TAFA4: variants seen among roughly 807,000 people sequenced by gnomAD.
TAFA4 encodes TAFA chemokine like family member 4.
Under a neutral mutation model 21.1 loss-of-function variants are expected in TAFA4, and 20 were observed. That is an observed-to-expected ratio of 0.95 (90% CI 0.67 to 1.38). The LOEUF is 1.38. TAFA4 is among the 40% of genes most tolerant of loss of function. TAFA4 has a pLI of 0.00. For synonymous variants in TAFA4, 71 were observed against 67.4 expected (o/e 1.05, Z -0.26); for missense variants, 211 against 180.9 (o/e 1.17, Z -0.95).
At position 68,731,886 on chromosome 3, in the gene TAFA4, GTTAGGCTATAAACAACA is replaced by G. The variant is rs1360394197; in HGVS notation, c.*1239_*1255del. 1 of 100,562 alleles carries G rather than the reference GTTAGGCTATAAACAACA, an allele frequency of 9.9e-6. No homozygotes were observed. The highest frequency in any genetic ancestry group is 2.3e-5 in the Non-Finnish European group (1 of 43,724). 6.2% of individuals were successfully genotyped at this position (100,562 alleles called of 1,614,324 possible). A position where few individuals can be genotyped will look rare whatever the true frequency, so the allele number is the denominator to read the frequency against. Reference sequence around the variant, plus strand: ...TCTGCAAGAATAAAATCAAATAACTGTTAGGCTATAAACAACATTAAAGTATTTATTTTCCCCCTATA... The same window carrying G: ...TCTGCAAGAATAAAATCAAATAACTGTTAAAGTATTTATTTTCCCCCTATA... On this transcript the variant is annotated 3_prime_UTR_variant, in exon 6 of 6. Transcript: ENST00000295569.
intron 3 of TAFA4, among the ~76,000 whole-genome samples, chr3:68,864,376 A>C (rs1389479369): frequency 6.6e-6 from 1 of 152,158 alleles, no homozygotes; most frequent in Non-Finnish European, 1.5e-5. Context: ...AGGTTCATGC[A>C]AATTAAATCT....
At chr3:68,858,425 A>G (rs1705120403) in intron 3 of TAFA4, among the ~76,000 whole-genome samples, 1 of 152,144 alleles carries the variant, frequency 6.6e-6, no homozygotes, top group African/African-American at 2.4e-5. Flanking sequence ...ATGTAAAGCA[A>G]AATGTTACTT....
At chr3:68,920,513 T>C (rs1452501769) in intron 1 of TAFA4, among the ~76,000 whole-genome samples, 4 of 152,184 alleles carry the variant, frequency 2.6e-5, no homozygotes, top group African/African-American at 7.2e-5. Context: ...TTGGATTTCT[T>C]TGAAACATAA....
intron 3 of TAFA4, among the ~76,000 whole-genome samples, chr3:68,754,376 T>C (rs1702619936): frequency 6.6e-6 from 1 of 152,226 alleles, no homozygotes. Context: ...CCTCAGTCTT[T>C]CTTTCTTGAC....
At chr3:68,765,306 T>A (rs1702830395) in intron 3 of TAFA4, among the ~76,000 whole-genome samples, 1 of 152,184 alleles carries the variant, frequency 6.6e-6, no homozygotes, top group South Asian at 2.1e-4. Context: ...GTGATAAGTT[T>A]CTACTTGTAC....
At chr3:68,774,728 A>G (rs1378216204) in intron 3 of TAFA4, among the ~76,000 whole-genome samples, 2 of 152,224 alleles carry the variant, frequency 1.3e-5, no homozygotes, top group East Asian at 3.8e-4. Flanking sequence ...CTGTAAATGC[A>G]CTATGAGAAA....
chr3:68,791,047 C>A (rs1703351693), intron 3 of TAFA4, among the ~76,000 whole-genome samples: 1 of 152,168 alleles, frequency 6.6e-6, no homozygotes, highest in Non-Finnish European at 1.5e-5. Flanking sequence ...TCATCTTTCT[C>A]CTATGGACTG....
In TAFA4 at chr3:68,731,966, A is replaced by T. The variant is rs1702156473; in HGVS notation, c.*1176T>A. 6.6e-6 allele frequency: 1 copy of T among 152,162 alleles called. No homozygotes were observed. The highest frequency in any genetic ancestry group is 1.5e-5 in the Non-Finnish European group (1 of 67,996). 9.4% of individuals were successfully genotyped at this position (152,162 alleles called of 1,614,324 possible). On this transcript the variant is annotated 3_prime_UTR_variant, in exon 6 of 6. Transcript: ENST00000295569. ...CAGGGATAATTAACTTGGTGCAGAA[A>T]CTATGTTTTTGGCATTTCTTAATAT...
intron 3 of TAFA4, among the ~76,000 whole-genome samples, chr3:68,779,571 A>G (rs1703115389): frequency 6.6e-6 from 1 of 152,160 alleles, no homozygotes; most frequent in Non-Finnish European, 1.5e-5. Context: ...CAAGGGGCCA[A>G]AGTACAGCTG....
At chr3:68,878,327 G>T (rs558979188) in intron 3 of TAFA4, among the ~76,000 whole-genome samples, 4 of 152,146 alleles carry the variant, frequency 2.6e-5, no homozygotes, top group South Asian at 2.1e-4. Context: ...ATAAAAATCT[G>T]AATTTTTGAA....
chr3:68,798,131 G>A (rs1703492162), intron 3 of TAFA4, among the ~76,000 whole-genome samples: 1 of 152,116 alleles, frequency 6.6e-6, no homozygotes, highest in Admixed American at 6.5e-5. Flanking sequence ...TTATTAAAAG[G>A]TGGCATGGCA....
Position 68,880,831 on chromosome 3 carries a change from G to A in TAFA4, c.29C>T (p.Ala10Val). Reference protein sequence around the residue: MRSPRMRVCAKSVLLSHWLF... With the variant: MRSPRMRVCVKSVLLSHWLF... ...CCAGTGCGACAGCAACACTGACTTA[G>A]CACAGACTCTCATCCTGGAGGAAAA... Residue 10 changes from alanine (A) to valine (V), a missense_variant, in exon 3 of 6, where the codon GCT (alanine) becomes GTT (valine). By Grantham distance (64) the Ala-to-Val change is moderately conservative. Transcript: ENST00000295569. 3.7e-6 allele frequency: 6 copies of A among 1,613,358 alleles called. No homozygotes were observed. The highest frequency in any genetic ancestry group is 5.1e-6 in the Non-Finnish European group (6 of 1,179,840).
chr3:68,830,599 T>C (rs1167181910), intron 3 of TAFA4, among the ~76,000 whole-genome samples: 2 of 152,236 alleles, frequency 1.3e-5, no homozygotes, highest in African/African-American at 4.8e-5. Context: ...AAGAGTGTTT[T>C]GCTTCCAATT....
At chr3:68,758,062 G>A (rs1452908495) in intron 3 of TAFA4, among the ~76,000 whole-genome samples, 1 of 152,154 alleles carries the variant, frequency 6.6e-6, no homozygotes, top group African/African-American at 2.4e-5. Context: ...ACTAGAGATT[G>A]AGAAGAGGTG....
At chr3:68,772,188 A>T (rs1702970243) in intron 3 of TAFA4, among the ~76,000 whole-genome samples, 1 of 152,218 alleles carries the variant, frequency 6.6e-6, no homozygotes. Flanking sequence ...AAGAGCCTTG[A>T]TCATCCATCA....
At chr3:68,926,825 C>T (rs1472682318) in intron 1 of TAFA4, among the ~76,000 whole-genome samples, 1 of 152,058 alleles carries the variant, frequency 6.6e-6, no homozygotes, top group Non-Finnish European at 1.5e-5. Flanking sequence ...GTGAGAGAAT[C>T]GCTTGAACCT....
chr3:68,927,893 C>CAAAAAAAAAAAA (rs1209770129), intron 1 of TAFA4, among the ~76,000 whole-genome samples: 2 of 123,508 alleles, frequency 1.6e-5, no homozygotes, highest in African/African-American at 5.8e-5. Context: ...GACACCATCT[C>CAAAAAAAAAAAA]AAAAAAAAAA....
intron 3 of TAFA4, among the ~76,000 whole-genome samples, chr3:68,862,330 G>C (rs2089355793): frequency 6.6e-6 from 1 of 152,080 alleles, no homozygotes; most frequent in African/African-American, 2.4e-5. Flanking sequence ...AAGGAAACTG[G>C]TTACATTAAA....
intron 1 of TAFA4, among the ~76,000 whole-genome samples, chr3:68,909,761 G>T (rs1428074242): frequency 6.6e-6 from 1 of 152,170 alleles, no homozygotes; most frequent in Non-Finnish European, 1.5e-5. Flanking sequence ...CTGCATAATG[G>T]ATTATATGCA....
Sources: allele counts gnomAD v4.1 joint callset (sites outside exome capture counted in the v4.1 genomes callset), GRCh38; gene constraint gnomAD v4.1.1; transcripts MANE v1.5; gene names NCBI Gene and HGNC (gene_info 2026-07-23, HGNC 2026-07-21).